Variants in NAA11 observed in about 807,000 individuals in gnomAD.
NAA11 encodes the protein N-alpha-acetyltransferase 11, NatA catalytic subunit, also known as N-alpha-acetyltransferase 11.
Under a neutral mutation model 16.1 loss-of-function variants are expected in NAA11, and 15 were observed. The ratio of observed to expected loss-of-function variants is 0.93; its 90% CI spans 0.62 to 1.44. The LOEUF (loss-of-function observed/expected upper bound fraction) is 1.44, where lower values mean the gene tolerates loss of function less well. NAA11 is among the 40% of genes most tolerant of loss of function. NAA11 has a pLI of 0.00. For synonymous variants in NAA11, 122 were observed against 112.4 expected (o/e 1.09, Z -0.54); for missense variants, 298 against 291.3 (o/e 1.02, Z -0.17).
downstream of NAA11, among the ~76,000 whole-genome samples, chr4:79,224,531 A>T (rs1261154267): frequency 6.6e-6 from 1 of 152,098 alleles, no homozygotes; most frequent in Non-Finnish European, 1.5e-5. Flanking sequence ...AACCAGACAA[A>T]CAATATAAAC....
the NAA11 span, among the ~76,000 whole-genome samples, chr4:79,167,848 C>CT: frequency 2.0e-5 from 3 of 151,176 alleles, no homozygotes; most frequent in East Asian, 5.8e-4. Context: ...GTGCTACACA[C>CT]TTTTTTTTTA....
At chr4:79,248,534 T>C (rs1033649682) in intron 2 of NAA11, among the ~76,000 whole-genome samples, 4 of 152,094 alleles carry the variant, frequency 2.6e-5, no homozygotes, top group African/African-American at 4.8e-5. Context: ...TGTGCCACAA[T>C]TGCCACTGGC....
downstream of NAA11, among the ~76,000 whole-genome samples, chr4:79,223,202 T>G (rs1436695817): frequency 6.6e-6 from 1 of 150,822 alleles, no homozygotes; most frequent in African/African-American, 2.4e-5. Context: ...ACACGTATGT[T>G]TATTGCGGCA....
chr4:79,242,713 A>C (rs1721724850), intron 2 of NAA11, among the ~76,000 whole-genome samples: 1 of 152,250 alleles, frequency 6.6e-6, no homozygotes, highest in Non-Finnish European at 1.5e-5. Context: ...TGTATGAACA[A>C]GAGAAGATAT....
the NAA11 span, among the ~76,000 whole-genome samples, chr4:79,193,872 T>C: frequency 6.6e-6 from 1 of 152,228 alleles, no homozygotes; most frequent in Non-Finnish European, 1.5e-5. Context: ...GGAATGTTCT[T>C]CCATTTGTTT....
intron 1 of NAA11, among the ~76,000 whole-genome samples, chr4:79,309,713 TC>T (rs1723704684): frequency 5.5e-5 from 6 of 108,360 alleles, no homozygotes; most frequent in African/African-American, 1.2e-4. Context: ...TTTTTTTTTT[TC>T]TTTTTTTTTT....
intron 1 of NAA11, among the ~76,000 whole-genome samples, chr4:79,318,305 CATA>C (rs1163920780): frequency 2.0e-5 from 3 of 152,080 alleles, no homozygotes; most frequent in Admixed American, 1.3e-4. Context: ...CCAAAATAAC[CATA>C]ATGTTTCTTT....
the NAA11 span, among the ~76,000 whole-genome samples, chr4:79,180,622 A>G: frequency 6.6e-6 from 1 of 152,214 alleles, no homozygotes; most frequent in Admixed American, 6.5e-5. Context: ...ACACTTTTAC[A>G]CTGTTGGTGG....
chr4:79,299,676 T>C (rs1056053272), intron 1 of NAA11: 1 of 150,940 alleles, frequency 6.6e-6, no homozygotes, highest in Non-Finnish European at 1.5e-5. Flanking sequence ...TGGATAGAGC[T>C]GTTATCTATC....
downstream of NAA11, among the ~76,000 whole-genome samples, chr4:79,313,590 GT>G (rs906874246): frequency 2.6e-5 from 4 of 152,068 alleles, no homozygotes; most frequent in African/African-American, 9.7e-5. Context: ...AATGAAAAGA[GT>G]TTTTTTCCCC....
chr4:79,316,085 T>C (rs1578195352), downstream of NAA11, among the ~76,000 whole-genome samples: 1 of 152,294 alleles, frequency 6.6e-6, no homozygotes, highest in East Asian at 1.9e-4. Context: ...AAAAAAATCA[T>C]TCAGGTAAGC....
chr4:79,169,114 A>G, the NAA11 span, among the ~76,000 whole-genome samples: 1 of 152,194 alleles, frequency 6.6e-6, no homozygotes, highest in African/African-American at 2.4e-5. Context: ...GAGGACATAA[A>G]CAAATGGAAA....
chr4:79,227,191 A>G (rs1721337037), intron 2 of NAA11: 1 of 152,058 alleles, frequency 6.6e-6, no homozygotes, highest in Non-Finnish European at 1.5e-5. Flanking sequence ...GATGACAAGC[A>G]TTTTTTCATT....
At chr4:79,252,027 G>C (rs553065213) in intron 2 of NAA11, among the ~76,000 whole-genome samples, 1 of 152,152 alleles carries the variant, frequency 6.6e-6, no homozygotes, top group South Asian at 2.1e-4. Context: ...AATGAAATGT[G>C]ATTTGCAAAA....
chr4:79,325,950 T>C lies in NAA11; in HGVS notation c.-73A>G, dbSNP rs1724267294. The C allele has an allele frequency of 2.2e-6, 3 of 1,377,954 alleles. No homozygotes were observed. Among genetic ancestry groups the C allele is most frequent in the Non-Finnish European group, 2.0e-6 (2 of 1,008,722 alleles). The allele number at this position is 1,377,954 out of a possible 1,614,324, so 85.4% of individuals were successfully genotyped here. On this transcript the variant is annotated 5_prime_UTR_variant, in exon 1 of 2. Coordinates refer to ENST00000286794, the MANE Select transcript of NAA11 (RefSeq NM_032693.3). ...GGCTGTCGCCGACCTTAAGGGGCAC[T>C]GTTTGCCTCAGGAATCGAGTCCAGG...
intron 1 of NAA11, among the ~76,000 whole-genome samples, chr4:79,300,037 T>C (rs1723339197): frequency 6.6e-6 from 1 of 152,210 alleles, no homozygotes; most frequent in African/African-American, 2.4e-5. Context: ...TGCCCAGTTA[T>C]AATACTAGTG....
At chr4:79,308,935 T>C (rs1354209605) in intron 1 of NAA11, 1 of 152,202 alleles carries the variant, frequency 6.6e-6, no homozygotes, top group Non-Finnish European at 1.5e-5. Flanking sequence ...GTTTCCTGTT[T>C]CATTACATGA....
chr4:79,155,687 A>G, the NAA11 span, among the ~76,000 whole-genome samples: 1 of 152,246 alleles, frequency 6.6e-6, no homozygotes, highest in Non-Finnish European at 1.5e-5. Context: ...AATAATACAC[A>G]TCTGGATAGT....
chr4:79,255,427 T>C (rs1722087046), intron 2 of NAA11, among the ~76,000 whole-genome samples: 1 of 152,174 alleles, frequency 6.6e-6, no homozygotes, highest in South Asian at 2.1e-4. Context: ...TTTTTCAAAC[T>C]CTTCTTTGAT....
Sources: allele counts gnomAD v4.1 joint callset (sites outside exome capture counted in the v4.1 genomes callset), GRCh38; gene constraint gnomAD v4.1.1; transcripts MANE v1.5; gene names NCBI Gene and HGNC (gene_info 2026-07-23, HGNC 2026-07-21).